LRRC52: variants seen among roughly 807,000 people sequenced by gnomAD.
LRRC52 encodes leucine rich repeat containing 52, also known as leucine-rich repeat-containing protein 52.
LRRC52 carries 15 observed loss-of-function variants against 14.7 expected under a neutral mutation model. The observed-to-expected ratio is 1.02, with a 90% CI of 0.68 to 1.58. The LOEUF (loss-of-function observed/expected upper bound fraction) is 1.58, where lower values mean the gene tolerates loss of function less well. Ranked by LOEUF, LRRC52 falls within the 40% of genes most tolerant of loss-of-function variation. LRRC52 has a pLI of 0.00. For synonymous variants in LRRC52, 180 were observed against 163.9 expected, an observed-to-expected ratio of 1.10 and a Z score of -0.75; for missense variants, 400 against 387.7, an observed-to-expected ratio of 1.03 and a Z score of -0.27.
At chr1:165,552,046 C>T (rs568086536) in intron 1 of LRRC52, among the ~76,000 whole-genome samples, 1 of 150,604 alleles carries the variant, frequency 6.6e-6, no homozygotes, top group Non-Finnish European at 1.5e-5. Context: ...AAAGCCAGAA[C>T]AGCAGCCTCC....
chr1:165,552,714 T>TAAA (rs1661158600), intron 1 of LRRC52, among the ~76,000 whole-genome samples: 15 of 152,234 alleles, frequency 9.9e-5, no homozygotes, highest in Admixed American at 9.2e-4. Context: ...AATAAATGTG[T>TAAA]ATTCATTTAA....
intron 1 of LRRC52, among the ~76,000 whole-genome samples, chr1:165,546,735 C>T (rs1661028816): frequency 1.3e-5 from 2 of 152,152 alleles, no homozygotes; most frequent in Non-Finnish European, 2.9e-5. Context: ...CCTCCCACTC[C>T]ATCTCCCTTC....
At chr1:165,549,948 TGTA>T (rs1324927605) in intron 1 of LRRC52, among the ~76,000 whole-genome samples, 6 of 52,572 alleles carry the variant, frequency 1.1e-4, no homozygotes, top group Non-Finnish European at 2.3e-4. Context: ...AAAGAGTTAA[TGTA>T]GTCATTTTTT....
intron 1 of LRRC52, among the ~76,000 whole-genome samples, chr1:165,550,374 T>C (rs530164839): frequency 6.6e-6 from 1 of 152,368 alleles, no homozygotes; most frequent in African/African-American, 2.4e-5. Flanking sequence ...ATATATGGTG[T>C]CGGATACAGT....
intron 1 of LRRC52, among the ~76,000 whole-genome samples, chr1:165,554,925 G>A (rs917330956): frequency 6.6e-6 from 1 of 152,236 alleles, no homozygotes; most frequent in Non-Finnish European, 1.5e-5. Flanking sequence ...TGGCTGAGAT[G>A]AGGCACAGGC....
At chr1:165,545,700 G>A (rs138228516) in intron 1 of LRRC52, among the ~76,000 whole-genome samples, 181 of 152,162 alleles carry the variant, frequency 1.2e-3, no homozygotes, top group African/African-American at 4.1e-3. Flanking sequence ...GGCCTGCCAC[G>A]GCCCCTGTGC....
rs1306946426 is a variant in LRRC52, at chr1:165,563,787, A to G, written c.905A>G (p.Gln302Arg). ...GTCAGCCGGCGGATTTTTCAAACCC[A>G]GACGAGCTCGGTCCAGGAGTTCCCT... is the stretch of plus-strand genomic sequence containing the variant. ...VEVSRRIFQT[Q>R]TSSVQEFPQL... Residue 302 changes from glutamine to arginine, a missense_variant, in exon 2 of 2, where the codon CAG becomes CGG. Coordinates refer to ENST00000294818, the MANE Select transcript of LRRC52 (RefSeq NM_001005214.4). The G allele has an allele frequency of 6.2e-7, 1 of 1,614,216 alleles. No homozygotes were observed. Among genetic ancestry groups the G allele is most frequent in the South Asian group, 1.1e-5 (1 of 91,082 alleles).
chr1:165,547,834 A>G (rs2101824121), intron 1 of LRRC52, among the ~76,000 whole-genome samples: 1 of 152,338 alleles, frequency 6.6e-6, no homozygotes, highest in Non-Finnish European at 1.5e-5. Flanking sequence ...AGTTGAACAC[A>G]CATACAGTAA....
chr1:165,560,326 T>G (rs527986584), intron 1 of LRRC52, among the ~76,000 whole-genome samples: 27 of 152,250 alleles, frequency 1.8e-4, no homozygotes, highest in South Asian at 1.7e-3. Context: ...TAAACCAGAA[T>G]AGTAGGATTA....
chr1:165,551,837 T>C (rs1273395929), intron 1 of LRRC52, among the ~76,000 whole-genome samples: 3 of 152,218 alleles, frequency 2.0e-5, no homozygotes, highest in Admixed American at 6.5e-5. Flanking sequence ...GCCCCATTTC[T>C]ACCTACCAAG....
At chr1:165,551,416 A>C (rs1194064348) in intron 1 of LRRC52, among the ~76,000 whole-genome samples, 1 of 152,260 alleles carries the variant, frequency 6.6e-6, no homozygotes, top group Non-Finnish European at 1.5e-5. Context: ...TTAGTAAATG[A>C]ATCGATTTGC....
chr1:165,561,452 G>A (rs1206162789), intron 1 of LRRC52, among the ~76,000 whole-genome samples: 4 of 152,136 alleles, frequency 2.6e-5, no homozygotes, highest in Non-Finnish European at 5.9e-5. Context: ...GCTCCCAGGC[G>A]CCTCCCCTGC....
In LRRC52 at chr1:165,559,303, C is replaced by T. The variant is rs1221415437; in HGVS notation, c.623-4202C>T. 2.0e-5 allele frequency among the ~76,000 whole-genome samples: 3 copies of T among 152,094 alleles called. No homozygotes were observed. The South Asian group carries it at 6.2e-4, about 32-fold the overall frequency. The stretch of plus-strand genomic sequence containing the variant: ...ACTCAGGAGGCTGAGGCAGGAGAAC[C>T]ACTTGAACCTGGGAGGCAGAGGTTG... On this transcript the variant is annotated intron_variant, in intron 1 of 1. Transcript: ENST00000294818.
rs776208276 is a variant in LRRC52, at chr1:165,563,806, G to A, written c.924G>A (p.Glu308=). ...IFQTQTSSVQ[E]FPQLI is the part of the protein sequence containing the mutation. ...AAACCCAGACGAGCTCGGTCCAGGA[G>A]TTCCCTCAGCTTATTTAGTTGCCAG... The change falls in exon 2 of 2, where the codon GAG becomes GAA. Residue 308 remains glutamate (E), a synonymous_variant. Transcript: ENST00000294818. The A allele has an allele frequency of 1.2e-6, 2 of 1,614,112 alleles. No individual in the cohort carries two copies. Among genetic ancestry groups the A allele is most frequent in the South Asian group, 1.1e-5 (1 of 91,070 alleles).
At chr1:165,555,568 G>A (rs538647272) in intron 1 of LRRC52, among the ~76,000 whole-genome samples, 36 of 152,308 alleles carry the variant, frequency 2.4e-4, no homozygotes, top group Non-Finnish European at 4.9e-4. Context: ...TGCTCCCACT[G>A]CTGTCTCCAG....
At chr1:165,556,380 A>C (rs1357814382) in intron 1 of LRRC52, among the ~76,000 whole-genome samples, 1 of 93,306 alleles carries the variant, frequency 1.1e-5, no homozygotes, top group Non-Finnish European at 2.7e-5. Context: ...TATAGACTCT[A>C]TATACAAGGG....
rs1557961600 is a variant in LRRC52, at chr1:165,544,219, ACCCCCCC to A, written c.-77_-71del. The A allele has an allele frequency of 7.7e-6, 4 of 518,358 alleles. No homozygotes were observed. Among genetic ancestry groups the A allele is most frequent in the African/African-American group, 4.0e-5 (2 of 50,354 alleles). The allele number at this position is 518,358 out of a possible 1,614,324, so 32.1% of individuals were successfully genotyped here. A position where few individuals can be genotyped will look rare whatever the true frequency, so the allele number is the denominator to read the frequency against. On this transcript the variant is annotated 5_prime_UTR_variant, in exon 1 of 2. Coordinates refer to ENST00000294818, the MANE Select transcript of LRRC52 (RefSeq NM_001005214.4). The stretch of plus-strand genomic sequence containing the variant: ...CTTTCCAGAGCCCCTCCCCCGCCCC[ACCCCCCC>A]ACCGGCAGCCTTCGGATCAGAGGAC...
Position 165,544,224 on chromosome 1 carries a change from C to A in LRRC52, c.-73C>A, listed in dbSNP as rs1047956191. 7.2e-7 allele frequency: 1 copy of A among 1,387,044 alleles called. No individual in the cohort carries two copies. Among genetic ancestry groups the A allele is most frequent in the Non-Finnish European group, 9.7e-7 (1 of 1,030,682 alleles). The allele number at this position is 1,387,044 out of a possible 1,614,324, so 85.9% of individuals were successfully genotyped here. The stretch of plus-strand genomic sequence containing the variant: ...CAGAGCCCCTCCCCCGCCCCACCCC[C>A]CCACCGGCAGCCTTCGGATCAGAGG... On this transcript the variant is annotated 5_prime_UTR_variant, in exon 1 of 2. Transcript: ENST00000294818.
At chr1:165,548,121 C>T (rs1004417309) in intron 1 of LRRC52, among the ~76,000 whole-genome samples, 7 of 151,826 alleles carry the variant, frequency 4.6e-5, no homozygotes, top group Non-Finnish European at 1.0e-4. Flanking sequence ...ATGAAATAAC[C>T]TGAGTTATCT....
Sources: allele counts gnomAD v4.1 joint callset (sites outside exome capture counted in the v4.1 genomes callset), GRCh38; gene constraint gnomAD v4.1.1; transcripts MANE v1.5; gene names NCBI Gene and HGNC (gene_info 2026-07-23, HGNC 2026-07-21).